The following LRIG1 variants were observed in gnomAD, a reference collection of about 807,000 sequenced individuals.
LRIG1 encodes leucine rich repeats and immunoglobulin like domains 1.
A neutral mutation model predicts 99.2 loss-of-function variants in LRIG1; 48 were observed. The ratio of observed to expected loss-of-function variants is 0.48; its 90% CI spans 0.38 to 0.62. The LOEUF is 0.62. Among genes scored for constraint, LRIG1 ranks in the 20% least tolerant of loss-of-function variants. LRIG1 has a pLI of 0.00. For missense variants in LRIG1, 1,646 were observed against 1,434.4 expected (o/e 1.15, Z -2.38); for synonymous variants, 772 against 596.1 (o/e 1.29, Z -4.30).
intron 2 of LRIG1, among the ~76,000 whole-genome samples, chr3:66,454,691 G>A (rs1043103731): frequency 2.0e-4 from 30 of 152,192 alleles, no homozygotes; most frequent in African/African-American, 6.8e-4. Flanking sequence ...AGAAGGTGTA[G>A]CTAAGGTAAA....
intron 2 of LRIG1, among the ~76,000 whole-genome samples, chr3:66,460,710 T>C (rs1213451132): frequency 6.6e-6 from 1 of 152,212 alleles, no homozygotes; most frequent in Non-Finnish European, 1.5e-5. Flanking sequence ...CCTGTGCTAT[T>C]TGTTTGTTAT....
In LRIG1 at chr3:66,477,668, T is replaced by G. The variant is rs144525728; in HGVS notation, c.219-15159A>C. ...GCCCAATCCCCTCTCGCCTCAAACCTTATCCTTTCCACCTTTCTTCCTTTA... is the reference window on the plus strand; with the variant it reads ...GCCCAATCCCCTCTCGCCTCAAACCGTATCCTTTCCACCTTTCTTCCTTTA... On this transcript the variant is annotated intron_variant, in intron 1 of 18. Coordinates refer to ENST00000273261, the MANE Select transcript of LRIG1 (RefSeq NM_015541.3). Among the ~76,000 whole-genome samples, 240 of 152,314 alleles carry G rather than the reference T, an allele frequency of 1.6e-3. 1 individual carries two copies. The highest frequency in any genetic ancestry group is 5.5e-3 in the African/African-American group (228 of 41,568).
At chr3:66,472,320 A>C (rs1435905972) in intron 1 of LRIG1, among the ~76,000 whole-genome samples, 3 of 151,170 alleles carry the variant, frequency 2.0e-5, no homozygotes, top group Admixed American at 6.6e-5. Context: ...AAAAAAAAAA[A>C]AAAAAAAAAA....
chr3:66,444,275 C>T (rs978423624), intron 3 of LRIG1, among the ~76,000 whole-genome samples: 1 of 152,188 alleles, frequency 6.6e-6, no homozygotes, highest in African/African-American at 2.4e-5. Context: ...CACCAACAAA[C>T]AGCAAATTAA....
rs374460514 is a variant in LRIG1, at chr3:66,484,897, G to A, written c.218+15293C>T. ...AGGCTAGGCATGGTGGCTCACACCTGTAATCCCAGCATTTTGGGAGGCCGA... is the reference window on the plus strand; with the variant it reads ...AGGCTAGGCATGGTGGCTCACACCTATAATCCCAGCATTTTGGGAGGCCGA... On this transcript the variant is annotated intron_variant, in intron 1 of 18. Transcript: ENST00000273261. 6.6e-5 allele frequency among the ~76,000 whole-genome samples: 10 copies of A among 152,276 alleles called. No homozygotes were observed. The East Asian group carries it at 1.2e-3, about 18-fold the overall frequency.
chr3:66,429,225 G>T (rs182288709), intron 3 of LRIG1, among the ~76,000 whole-genome samples: 5 of 152,224 alleles, frequency 3.3e-5, no homozygotes, highest in Admixed American at 1.3e-4. Flanking sequence ...GATCCCATTT[G>T]GTTCTCCCAC....
chr3:66,476,628 T>C (rs1025170250), intron 1 of LRIG1, among the ~76,000 whole-genome samples: 9 of 152,200 alleles, frequency 5.9e-5, no homozygotes, highest in Non-Finnish European at 1.2e-4. Flanking sequence ...GACACACTGC[T>C]GTGTAAATCA....
chr3:66,406,975 TG>T (rs1447202140), intron 8 of LRIG1, among the ~76,000 whole-genome samples: 1 of 152,132 alleles, frequency 6.6e-6, no homozygotes, highest in Non-Finnish European at 1.5e-5. Context: ...AGACTCAAGA[TG>T]GGAAAGACTG....
chr3:66,397,448 T>TAAAAA (rs386396916), intron 11 of LRIG1, among the ~76,000 whole-genome samples: 1 of 131,432 alleles, frequency 7.6e-6, no homozygotes, highest in Non-Finnish European at 1.6e-5. Flanking sequence ...CATGTCTAGC[T>TAAAAA]AAAAAAAAAA....
chr3:66,381,711 C>T (rs530455479), intron 16 of LRIG1, 80 bp from the exon 17 acceptor site: 170 of 1,467,426 alleles, frequency 1.2e-4, no homozygotes, highest in African/African-American at 3.2e-4. Flanking sequence ...TGAGCAAGGC[C>T]GCTAGAACAG....
intron 15 of LRIG1, 59 bp from the exon 16 acceptor site, chr3:66,382,457 A>G: frequency 6.3e-7 from 1 of 1,599,182 alleles, no homozygotes; most frequent in East Asian, 2.2e-5. Flanking sequence ...ATGCAGACAC[A>G]CGTTCACTGT....
At chr3:66,463,810 C>A (rs528886755) in intron 1 of LRIG1, among the ~76,000 whole-genome samples, 42 of 152,306 alleles carry the variant, frequency 2.8e-4, no homozygotes, top group African/African-American at 9.4e-4. Flanking sequence ...ACATTTCAAT[C>A]AATACTAACC....
chr3:66,493,229 G>A (rs1004234969), intron 1 of LRIG1, among the ~76,000 whole-genome samples: 9 of 151,988 alleles, frequency 5.9e-5, no homozygotes, highest in African/African-American at 1.9e-4. Context: ...ACCTTGGTAG[G>A]GCTCAGTTTC....
rs896374579 is a variant in LRIG1 at position 66,393,957 on chromosome 3, A to G, written c.1468+83T>C. On this transcript the variant is annotated intron_variant, in intron 12 of 18. Coordinates refer to ENST00000273261, the MANE Select transcript of LRIG1 (RefSeq NM_015541.3). ...ACGGGCTGGGGTTTACTCTGATCACAGGAATTACTCCCATAATGAAGAGTA... is the reference window on the plus strand; with the variant it reads ...ACGGGCTGGGGTTTACTCTGATCACGGGAATTACTCCCATAATGAAGAGTA... The G allele has an allele frequency of 5.5e-6, 8 of 1,445,300 alleles. No homozygotes were observed. In the African/African-American group the frequency reaches 1.1e-4, roughly 20 times the overall value. 89.5% of individuals were successfully genotyped at this position (1,445,300 alleles called of 1,614,324 possible).
chr3:66,474,642 G>A (rs539608604), intron 1 of LRIG1, among the ~76,000 whole-genome samples: 18 of 152,104 alleles, frequency 1.2e-4, no homozygotes, highest in African/African-American at 3.6e-4. Context: ...CACAGCACCC[G>A]GCCCCATCTA....
chr3:66,388,790 C>T (rs1232238147), intron 12 of LRIG1, among the ~76,000 whole-genome samples: 4 of 152,080 alleles, frequency 2.6e-5, no homozygotes, highest in South Asian at 2.1e-4. Flanking sequence ...TAAAACATTC[C>T]GATGTTTTTA....
intron 2 of LRIG1, among the ~76,000 whole-genome samples, chr3:66,462,205 G>A (rs773931885): frequency 8.5e-5 from 13 of 152,080 alleles, no homozygotes; most frequent in Non-Finnish European, 1.2e-4. Flanking sequence ...CCCACCATGC[G>A]CCCAGGATTT....
chr3:66,382,234 TCACAGCAGAG>T (rs1701118931), intron 16 of LRIG1, 29 bp downstream of exon 16: 1 of 1,610,616 alleles, frequency 6.2e-7, no homozygotes, highest in Non-Finnish European at 8.5e-7. Context: ...AGAGACACAG[TCACAGCAGAG>T]CTCTGCTTCA....
intron 1 of LRIG1, among the ~76,000 whole-genome samples, chr3:66,468,013 C>T (rs1481625585): frequency 6.6e-6 from 1 of 152,074 alleles, no homozygotes; most frequent in Admixed American, 6.6e-5. Flanking sequence ...CCTTCAAAAA[C>T]TGAAGTTATG....
Sources: allele counts gnomAD v4.1 joint callset (sites outside exome capture counted in the v4.1 genomes callset), GRCh38; gene constraint gnomAD v4.1.1; transcripts MANE v1.5; gene names NCBI Gene and HGNC (gene_info 2026-07-23, HGNC 2026-07-21).